EBF1: variants seen among roughly 807,000 people sequenced by gnomAD.
The protein encoded by EBF1 is transcription factor COE1.
A neutral mutation model predicts 68.4 loss-of-function variants in EBF1; 10 were observed. The ratio of observed to expected loss-of-function variants is 0.15; its 90% confidence interval spans 0.09 to 0.25. EBF1 has a LOEUF of 0.25. EBF1 is among the 10% of genes least tolerant of loss of function. The pLI, the probability that EBF1 is intolerant of heterozygous loss-of-function variation, is 1.00. For missense variants in EBF1, 509 were observed against 794.4 expected (o/e 0.64, Z 4.32); for synonymous variants, 298 against 299.8 (o/e 0.99, Z 0.06).
intron 6 of EBF1, among the ~76,000 whole-genome samples, chr5:158,848,295 G>A (rs970654624): frequency 2.5e-5 from 3 of 117,994 alleles, no homozygotes; most frequent in Admixed American, 8.4e-5. Flanking sequence ...TATATATATC[G>A]TGGGATCATT....
intron 7 of EBF1, among the ~76,000 whole-genome samples, chr5:158,839,755 C>T (rs1259682731): frequency 6.6e-6 from 1 of 152,152 alleles, no homozygotes; most frequent in Non-Finnish European, 1.5e-5. Flanking sequence ...ATGTACTTTA[C>T]TTAATCTGTG....
At chr5:159,083,809 T>C (rs1291498715) in intron 5 of EBF1, among the ~76,000 whole-genome samples, 2 of 152,258 alleles carry the variant, frequency 1.3e-5, no homozygotes, top group African/African-American at 4.8e-5. Flanking sequence ...CTTTCTCTGA[T>C]GCACAGTGGC....
intron 6 of EBF1, among the ~76,000 whole-genome samples, chr5:158,915,438 G>A (rs1007771842): frequency 6.6e-6 from 1 of 152,230 alleles, no homozygotes; most frequent in Non-Finnish European, 1.5e-5. Flanking sequence ...GAAGTTGCTG[G>A]TAATGCATCA....
intron 6 of EBF1, among the ~76,000 whole-genome samples, chr5:158,909,756 G>C (rs929556572): frequency 6.6e-6 from 1 of 152,002 alleles, no homozygotes; most frequent in Non-Finnish European, 1.5e-5. Context: ...GGCCAACATA[G>C]TAAAACCCTG....
At chr5:158,726,391 G>C (rs1762993832) in intron 11 of EBF1, among the ~76,000 whole-genome samples, 1 of 152,136 alleles carries the variant, frequency 6.6e-6, no homozygotes. Context: ...GGCTGGGAGG[G>C]CTGAAAAATC....
At chr5:158,756,785 AG>A (rs1474800314) in intron 10 of EBF1, among the ~76,000 whole-genome samples, 1 of 151,986 alleles carries the variant, frequency 6.6e-6, no homozygotes, top group African/African-American at 2.4e-5. Flanking sequence ...TGGAGAGACA[AG>A]CAGAACAGTG....
chr5:158,769,263 A>G (rs530908480), intron 10 of EBF1, among the ~76,000 whole-genome samples: 3 of 152,036 alleles, frequency 2.0e-5, no homozygotes, highest in Admixed American at 6.6e-5. Context: ...TGTAGTCAAT[A>G]TGTTTTCTTT....
At chr5:158,795,377 G>A (rs1000440633) in intron 9 of EBF1, among the ~76,000 whole-genome samples, 2 of 152,156 alleles carry the variant, frequency 1.3e-5, no homozygotes, top group African/African-American at 2.4e-5. Context: ...AATATGCTAC[G>A]AGTATCTACC....
At chr5:158,909,881 A>G (rs1805521232) in intron 6 of EBF1, among the ~76,000 whole-genome samples, 1 of 144,156 alleles carries the variant, frequency 6.9e-6, no homozygotes, top group East Asian at 2.3e-4. Context: ...AGGTTGAACC[A>G]GGGAAGCAGA....
intron 11 of EBF1, among the ~76,000 whole-genome samples, chr5:158,720,782 T>A (rs1436370338): frequency 6.6e-5 from 10 of 152,116 alleles, no homozygotes. Context: ...TAGAGTAAAT[T>A]GAAATGGAAA....
intron 10 of EBF1, among the ~76,000 whole-genome samples, chr5:158,755,964 C>G (rs1769988750): frequency 6.6e-6 from 1 of 152,142 alleles, no homozygotes; most frequent in African/African-American, 2.4e-5. Context: ...AAATCAGATA[C>G]TTTTGTTTTT....
intron 6 of EBF1, among the ~76,000 whole-genome samples, chr5:159,022,417 G>A (rs192359809): frequency 2.0e-5 from 3 of 152,312 alleles, no homozygotes; most frequent in Admixed American, 2.0e-4. Context: ...GGGGTAAAGT[G>A]CGCGGGCAGG....
At chr5:158,943,559 C>A (rs1427044272) in intron 6 of EBF1, among the ~76,000 whole-genome samples, 2 of 152,188 alleles carry the variant, frequency 1.3e-5, no homozygotes, top group African/African-American at 4.8e-5. Context: ...CAGAACAGGT[C>A]TCTCTTGACA....
intron 9 of EBF1, among the ~76,000 whole-genome samples, chr5:158,779,461 TTTTCTGTACCTATGC>T (rs1775968368): frequency 6.6e-6 from 1 of 152,182 alleles, no homozygotes; most frequent in South Asian, 2.1e-4. Context: ...TGTGTGTGTG[TTTTCTGTACCTATGC>T]TCTCTCCATT....
intron 10 of EBF1, among the ~76,000 whole-genome samples, chr5:158,768,222 G>A (rs892094794): frequency 2.0e-5 from 3 of 152,042 alleles, no homozygotes; most frequent in Non-Finnish European, 4.4e-5. Flanking sequence ...AAAAAGAGAG[G>A]AGAAACCAAA....
At chr5:158,804,921 T>C (rs1264453895) in intron 8 of EBF1, among the ~76,000 whole-genome samples, 1 of 152,112 alleles carries the variant, frequency 6.6e-6, no homozygotes, top group African/African-American at 2.4e-5. Flanking sequence ...GTAAGAGAAT[T>C]TTCAAAATGA....
chr5:158,762,810 C>T (rs961742928), intron 10 of EBF1, among the ~76,000 whole-genome samples: 1 of 152,188 alleles, frequency 6.6e-6, no homozygotes, highest in Non-Finnish European at 1.5e-5. Flanking sequence ...GCTGGGATTA[C>T]AAGCGTAAGC....
intron 10 of EBF1, among the ~76,000 whole-genome samples, chr5:158,775,161 C>T (rs1384087577): frequency 4.0e-5 from 6 of 151,712 alleles, no homozygotes; most frequent in Non-Finnish European, 1.5e-5. Flanking sequence ...TTTCTTAATT[C>T]CAGTGTGATA....
chr5:158,975,355 A>G (rs1351604846), intron 6 of EBF1, among the ~76,000 whole-genome samples: 1 of 152,242 alleles, frequency 6.6e-6, no homozygotes, highest in Admixed American at 6.5e-5. Flanking sequence ...CAAGAAAACA[A>G]AAGACTTTCT....
Sources: allele counts gnomAD v4.1 joint callset (sites outside exome capture counted in the v4.1 genomes callset), GRCh38; gene constraint gnomAD v4.1.1; transcripts MANE v1.5; gene names NCBI Gene and HGNC (gene_info 2026-07-23, HGNC 2026-07-21).